NDUFAF5: variants seen among roughly 807,000 people sequenced by gnomAD.
The protein encoded by NDUFAF5 is arginine-hydroxylase NDUFAF5, mitochondrial.
A neutral mutation model predicts 48.9 loss-of-function variants in NDUFAF5; 34 were observed. The observed-to-expected ratio is 0.70, with a 90% CI of 0.53 to 0.93. NDUFAF5 has a LOEUF of 0.93. NDUFAF5 is among the 40% of genes least tolerant of loss of function. NDUFAF5 has a pLI of 0.00. For synonymous variants in NDUFAF5, 153 were observed against 150.6 expected (o/e 1.02, Z -0.12); for missense variants, 428 against 427.5 (o/e 1.00, Z -0.01).
chr20:13,796,618 T>C (rs570366719), intron 5 of NDUFAF5, among the ~76,000 whole-genome samples: 1 of 152,316 alleles, frequency 6.6e-6, no homozygotes, highest in South Asian at 2.1e-4. Flanking sequence ...GACCGTACTC[T>C]AAGGAGACTG....
At chr20:13,790,340 C>T (rs1039678801) in intron 3 of NDUFAF5, among the ~76,000 whole-genome samples, 7 of 150,026 alleles carry the variant, frequency 4.7e-5, no homozygotes, top group Middle Eastern at 3.2e-3. Context: ...AGTAACTCAA[C>T]GCCAAAAAAC....
chr20:13,805,815 C>T (rs1156268890), intron 7 of NDUFAF5, among the ~76,000 whole-genome samples: 1 of 151,994 alleles, frequency 6.6e-6, no homozygotes, highest in Non-Finnish European at 1.5e-5. Context: ...CCTGTAGTCC[C>T]AGCTACTCGG....
At chr20:13,802,602 G>A (rs1026308370) in intron 7 of NDUFAF5, among the ~76,000 whole-genome samples, 11 of 150,446 alleles carry the variant, frequency 7.3e-5, no homozygotes, top group Non-Finnish European at 8.8e-5. Flanking sequence ...CCCGGGAGGC[G>A]GAGGTTGCAG....
At chr20:13,797,933 T>A (rs887257413) in intron 5 of NDUFAF5, among the ~76,000 whole-genome samples, 1 of 152,192 alleles carries the variant, frequency 6.6e-6, no homozygotes, top group African/African-American at 2.4e-5. Flanking sequence ...ATTGATTTTT[T>A]AAAAAATGGG....
At chr20:13,801,713 T>C in intron 7 of NDUFAF5, 30 bp downstream of exon 7, 2 of 1,575,194 alleles carry the variant, frequency 1.3e-6, no homozygotes, top group South Asian at 1.1e-5. Context: ...AACCCATAAC[T>C]TACACAGTTC....
At chr20:13,808,588 G>A (rs891512877) in intron 7 of NDUFAF5, among the ~76,000 whole-genome samples, 3 of 152,158 alleles carry the variant, frequency 2.0e-5, no homozygotes, top group Admixed American at 6.5e-5. Context: ...CTCTTATTCT[G>A]TGTGGTTCCC....
intron 5 of NDUFAF5, among the ~76,000 whole-genome samples, chr20:13,797,426 A>G (rs2147528928): frequency 6.6e-6 from 1 of 152,386 alleles, no homozygotes; most frequent in South Asian, 2.1e-4. Context: ...GAAACTGTCA[A>G]GCCATTAAAA....
At chr20:13,796,347 C>T (rs1373480743) in intron 5 of NDUFAF5, among the ~76,000 whole-genome samples, 1 of 152,170 alleles carries the variant, frequency 6.6e-6, no homozygotes, top group African/African-American at 2.4e-5. Flanking sequence ...CTATAAAGAA[C>T]CCTGGGCAGG....
intron 8 of NDUFAF5, among the ~76,000 whole-genome samples, chr20:13,811,780 G>T (rs1985901257): frequency 6.6e-6 from 1 of 152,190 alleles, no homozygotes; most frequent in African/African-American, 2.4e-5. Flanking sequence ...TGCGTCCTTT[G>T]TGGGAATTTG....
rs1174501003 is a variant in NDUFAF5, at chr20:13,785,331, G to T, written c.222+41G>T. 19 of 1,533,122 alleles carry T rather than the reference G, an allele frequency of 1.2e-5. 1 individual carries two copies. Among genetic ancestry groups the T allele is most frequent in the Non-Finnish European group, 1.7e-5 (19 of 1,127,068 alleles). The allele number at this position is 1,533,122 out of a possible 1,614,324, so 95.0% of individuals were successfully genotyped here. A position where few individuals can be genotyped will look rare whatever the true frequency, so the allele number is the denominator to read the frequency against. ...GGCGGGGCGGCGGGGCGGGCGACGC[G>T]GAGGCTTGTTTTCCTCTCCGCTAGT... is the stretch of plus-strand genomic sequence containing the variant. On this transcript the variant is annotated intron_variant, in intron 1 of 10. Transcript: ENST00000378106.
intron 5 of NDUFAF5, among the ~76,000 whole-genome samples, chr20:13,796,824 C>CA (rs1555833464): frequency 6.6e-6 from 1 of 152,168 alleles, no homozygotes; most frequent in Non-Finnish European, 1.5e-5. Context: ...ACTAAAAATA[C>CA]AAAAATTAGC....
At position 13,817,650 on chromosome 20, in the gene NDUFAF5, CTT is replaced by C. The variant is rs780771335; in HGVS notation, c.*448_*449del. The C allele has an allele frequency of 1.1e-5, 5 of 453,572 alleles. No individual in the cohort carries two copies. Among genetic ancestry groups the C allele is most frequent in the African/African-American group, 8.0e-5 (4 of 49,840 alleles). The allele number at this position is 453,572 out of a possible 1,614,324, so 28.1% of individuals were successfully genotyped here. A position where few individuals can be genotyped will look rare whatever the true frequency, so the allele number is the denominator to read the frequency against. ...ATCTTTATTAAATCCCTCCTCAACT[CTT>C]TTTTTTTAAAGCATCTGAATTTAAC... On this transcript the variant is annotated 3_prime_UTR_variant, in exon 11 of 11. Transcript: ENST00000378106.
In NDUFAF5 at chr20:13,798,486, A is replaced by G. The variant is rs144076410; in HGVS notation, c.505A>G (p.Arg169Gly). Residue 169 changes from arginine (R) to glycine (G), a missense_variant, in exon 6 of 11, where the codon AGA becomes GGA. Transcript: ENST00000378106. ...TTTGCATTGGGTGAATGACCTTCCT[A>G]GAGCACTTGAGCAGGTAAGAAAACT... ...LSLHWVNDLPRALEQIHYILK... is the reference protein window; with the variant it reads ...LSLHWVNDLPGALEQIHYILK... The G allele has an allele frequency of 1.9e-6, 3 of 1,611,210 alleles. No individual in the cohort carries two copies. The highest frequency in any genetic ancestry group is 3.3e-5 in the Admixed American group (2 of 59,988).
At position 13,820,825 on chromosome 20, in the gene NDUFAF5, AAGAT is replaced by A. The variant is rs1986936879; in HGVS notation, c.*3618_*3621del. ...TATTAGTAGATATTTGGAAAAAAGA[AAGAT>A]AGTTGATGCAGTGATTATTATTCTG... On this transcript the variant is annotated 3_prime_UTR_variant, in exon 11 of 11. Coordinates refer to ENST00000378106, the MANE Select transcript of NDUFAF5 (RefSeq NM_024120.5). 6.6e-6 allele frequency: 1 copy of A among 152,264 alleles called. No homozygotes were observed. Among genetic ancestry groups the A allele is most frequent in the Non-Finnish European group, 1.5e-5 (1 of 68,044 alleles). 9.4% of individuals were successfully genotyped at this position (152,264 alleles called of 1,614,324 possible).
rs1985449028 is a variant in NDUFAF5 at position 13,808,864 on chromosome 20, A to G, written c.740A>G (p.Asn247Ser). ...TAGGACACTGATGAAATTCAAGTTA[A>G]CTATCCTGGAATGTTTGAATTGATG... ...LTVDTDEIQV[N>S]YPGMFELMED... is the part of the protein sequence containing the mutation. The change falls in exon 8 of 11, where the codon AAC (asparagine) becomes AGC (serine). Residue 247 changes from asparagine (N) to serine (S), a missense_variant. Asn to Ser is a conservative substitution (Grantham distance 46). Transcript: ENST00000378106. 1 of 1,589,982 alleles carries G rather than the reference A, an allele frequency of 6.3e-7. No individual in the cohort carries two copies.
intron 6 of NDUFAF5, among the ~76,000 whole-genome samples, chr20:13,799,414 C>T (rs192411212): frequency 6.6e-6 from 1 of 152,042 alleles, no homozygotes; most frequent in Non-Finnish European, 1.5e-5. Flanking sequence ...AAACTGATGC[C>T]TCGGCTGGGC....
intron 7 of NDUFAF5, among the ~76,000 whole-genome samples, chr20:13,804,424 CT>C (rs35724891): frequency 7.5e-4 from 110 of 146,100 alleles, no homozygotes; most frequent in East Asian, 1.4e-3. Flanking sequence ...ACCTTCCAGA[CT>C]TTTTTTTTTT....
At chr20:13,799,898 A>G (rs1322288254) in intron 6 of NDUFAF5, among the ~76,000 whole-genome samples, 1 of 152,140 alleles carries the variant, frequency 6.6e-6, no homozygotes, top group African/African-American at 2.4e-5. Flanking sequence ...GGAGGAGGCA[A>G]AACTCACTTT....
At position 13,808,825 on chromosome 20, in the gene NDUFAF5, T is replaced by A; in HGVS notation, c.718-17T>A. The A allele has an allele frequency of 1.3e-6, 2 of 1,507,186 alleles. No individual in the cohort carries two copies. Among genetic ancestry groups the A allele is most frequent in the Non-Finnish European group, 1.8e-6 (2 of 1,083,926 alleles). 93.4% of individuals were successfully genotyped at this position (1,507,186 alleles called of 1,614,324 possible). A position where few individuals can be genotyped will look rare whatever the true frequency, so the allele number is the denominator to read the frequency against. ...ATCATGAATGTCAAATGAATATTTCTTTTTCTTTTTAAATAGGACACTGAT... is the reference window on the plus strand; with the variant it reads ...ATCATGAATGTCAAATGAATATTTCATTTTCTTTTTAAATAGGACACTGAT... On this transcript the variant is annotated splice_polypyrimidine_tract_variant and intron_variant, in intron 7 of 10. Transcript: ENST00000378106.
Sources: allele counts gnomAD v4.1 joint callset (sites outside exome capture counted in the v4.1 genomes callset), GRCh38; gene constraint gnomAD v4.1.1; transcripts MANE v1.5; gene names NCBI Gene and HGNC (gene_info 2026-07-23, HGNC 2026-07-21).